The following PLEKHA6 variants were observed in gnomAD, a reference collection of about 807,000 sequenced individuals.
PLEKHA6 encodes the protein pleckstrin homology domain-containing family A member 6.
In PLEKHA6, 60 loss-of-function variants were observed where a neutral mutation model predicts 116.7. The ratio of observed to expected loss-of-function variants is 0.51; its 90% CI spans 0.42 to 0.64. The LOEUF (loss-of-function observed/expected upper bound fraction) is 0.64. Ranked by LOEUF, PLEKHA6 falls within the 30% of genes least tolerant of loss-of-function variation. The pLI is 0.00. For missense variants in PLEKHA6, 1,338 were observed against 1,422.7 expected, an observed-to-expected ratio of 0.94 and a Z score of 0.96; for synonymous variants, 489 against 556.1, an observed-to-expected ratio of 0.88 and a Z score of 1.70.
At chr1:204,320,456 A>G in intron 1 of PLEKHA6, 1 of 976,246 alleles carries the variant, frequency 1.0e-6, no homozygotes, top group Non-Finnish European at 1.2e-6. Flanking sequence ...GGGAAGGAGC[A>G]GTGGCTTCTA....
Position 204,247,262 on chromosome 1 carries a change from T to TA in PLEKHA6, c.1920+102dup, listed in dbSNP as rs1663824065. ...GTCCCATTATCTTCATCCTGAAACT[T>TA]AGAGTCTGTTATCAATGGCCGGAAC... On this transcript the variant is annotated intron_variant, in intron 13 of 22. Coordinates refer to ENST00000272203, the MANE Select transcript of PLEKHA6 (RefSeq NM_014935.5). 10 of 681,694 alleles carry TA rather than the reference T, an allele frequency of 1.5e-5. No homozygotes were observed. In the East Asian group the frequency reaches 2.7e-4, roughly 19 times the overall value. The allele number at this position is 681,694 out of a possible 1,614,324, so 42.2% of individuals were successfully genotyped here. A position where few individuals can be genotyped will look rare whatever the true frequency, so the allele number is the denominator to read the frequency against.
chr1:204,257,946 C>T lies in PLEKHA6; in HGVS notation c.1008-77G>A. On this transcript the variant is annotated intron_variant, in intron 8 of 22. Transcript: ENST00000272203. This position sits in a 1 kb window ranked among gnomAD's most constrained non-coding sequence, Gnocchi z 6.5. ...ACCCACCCCAGCCCCACCTCCAGGT[C>T]CCCCAGCCTAGAGCAGGGTGCTTGA... 4 of 1,366,316 alleles carry T rather than the reference C, an allele frequency of 2.9e-6. No individual in the cohort carries two copies. Among genetic ancestry groups the T allele is most frequent in the Non-Finnish European group, 4.0e-6 (4 of 992,578 alleles). The allele number at this position is 1,366,316 out of a possible 1,614,324, so 84.6% of individuals were successfully genotyped here.
At chr1:204,243,759 G>A (rs1448115201) in intron 15 of PLEKHA6, among the ~76,000 whole-genome samples, 2 of 152,076 alleles carry the variant, frequency 1.3e-5, no homozygotes, top group South Asian at 2.1e-4. Context: ...AGGATGCTGG[G>A]CTCCCTGAGT....
chr1:204,271,375 C>T (rs1463294847), intron 3 of PLEKHA6, among the ~76,000 whole-genome samples: 2 of 152,166 alleles, frequency 1.3e-5, no homozygotes, highest in Admixed American at 6.5e-5. Context: ...CACTCAGCAA[C>T]TGTTTGTAGA....
At chr1:204,260,425 C>T (rs1558089007) in intron 7 of PLEKHA6, among the ~76,000 whole-genome samples, 1 of 152,228 alleles carries the variant, frequency 6.6e-6, no homozygotes, top group Non-Finnish European at 1.5e-5. Context: ...AGGGTAGGAA[C>T]ATGGCAGACT....
At chr1:204,341,874 G>A (rs995604579) in intron 1 of PLEKHA6, among the ~76,000 whole-genome samples, 4 of 152,164 alleles carry the variant, frequency 2.6e-5, no homozygotes, top group African/African-American at 9.7e-5. Flanking sequence ...GAAAACATAA[G>A]TACAATCTAT....
intron 1 of PLEKHA6, among the ~76,000 whole-genome samples, chr1:204,343,966 G>A (rs1672938327): frequency 6.6e-6 from 1 of 152,160 alleles, no homozygotes; most frequent in African/African-American, 2.4e-5. Context: ...GTGTGTGATG[G>A]AGAGAAAGTG....
rs1558015408 is a variant in PLEKHA6, at chr1:204,228,258, G to A, written c.2886-30C>T. On this transcript the variant is annotated intron_variant, in intron 20 of 22. Transcript: ENST00000272203. This position sits in a 1 kb window ranked among gnomAD's most constrained non-coding sequence, Gnocchi z 4.0. ...AGAGGCACAGACACACAGAAATGGA[G>A]GGAGGGACAGGATGGTCCAAGTGGC... The A allele has an allele frequency of 1.3e-6, 2 of 1,566,318 alleles. No homozygotes were observed. Among genetic ancestry groups the A allele is most frequent in the East Asian group, 4.5e-5 (2 of 44,052 alleles).
intron 1 of PLEKHA6, among the ~76,000 whole-genome samples, chr1:204,300,144 G>A (rs887645455): frequency 4.6e-5 from 7 of 152,166 alleles, no homozygotes; most frequent in Admixed American, 2.6e-4. Context: ...TGCATCTTCA[G>A]CAGATTGAAT....
intron 1 of PLEKHA6, chr1:204,309,194 T>C (rs920331603): frequency 3.9e-6 from 1 of 259,564 alleles, no homozygotes; most frequent in African/African-American, 2.3e-5. Context: ...GAAGACTCCC[T>C]GCAGGTCTCC....
intron 1 of PLEKHA6, among the ~76,000 whole-genome samples, chr1:204,332,100 C>T (rs1317277558): frequency 1.3e-5 from 2 of 152,182 alleles, no homozygotes; most frequent in Non-Finnish European, 2.9e-5. Flanking sequence ...GAAGCACCAC[C>T]TCAGACCAAT....
intron 21 of PLEKHA6, among the ~76,000 whole-genome samples, chr1:204,226,173 T>C (rs958583043): frequency 3.3e-5 from 5 of 152,224 alleles, no homozygotes; most frequent in African/African-American, 4.8e-5. Flanking sequence ...GCTGTAGCTC[T>C]GGGGAGCTGG....
At chr1:204,244,780 G>A (rs1201445830) in intron 15 of PLEKHA6, 84 bp downstream of exon 15, 1 of 1,079,960 alleles carries the variant, frequency 9.3e-7, no homozygotes, top group East Asian at 3.1e-5. Context: ...GGGAAGAGAT[G>A]GGCACAGAAG....
chr1:204,239,611 C>T (rs1038158207), intron 17 of PLEKHA6, among the ~76,000 whole-genome samples: 3 of 152,174 alleles, frequency 2.0e-5, no homozygotes, highest in African/African-American at 7.2e-5. Context: ...AAAAGTGTGG[C>T]AGTGGGCTCA....
Position 204,359,712 on chromosome 1 carries a change from C to T in PLEKHA6, c.-113G>A. The T allele has an allele frequency of 4.1e-6, 4 of 978,028 alleles. No individual in the cohort carries two copies. The highest frequency in any genetic ancestry group is 4.9e-6 in the Non-Finnish European group (4 of 823,194). 60.6% of individuals were successfully genotyped at this position (978,028 alleles called of 1,614,324 possible). A position where few individuals can be genotyped will look rare whatever the true frequency, so the allele number is the denominator to read the frequency against. ...GACTCACCGGCTTCTGAGGTGTGAT[C>T]CCCGCGCTGGAAAGCTCTAACTCTG... is the stretch of plus-strand genomic sequence containing the variant. On this transcript the variant is annotated 5_prime_UTR_variant, in exon 1 of 23. Coordinates refer to ENST00000272203, the MANE Select transcript of PLEKHA6 (RefSeq NM_014935.5).
chr1:204,301,809 C>A (rs1406872945), intron 1 of PLEKHA6, among the ~76,000 whole-genome samples: 1 of 152,162 alleles, frequency 6.6e-6, no homozygotes, highest in Non-Finnish European at 1.5e-5. Context: ...CAGCCCTGGT[C>A]AGTAACAGTG....
At chr1:204,324,261 C>T (rs750077242) in intron 1 of PLEKHA6, among the ~76,000 whole-genome samples, 5 of 151,952 alleles carry the variant, frequency 3.3e-5, no homozygotes, top group African/African-American at 4.8e-5. Flanking sequence ...GGCTATGGAT[C>T]GTGAAGGGAT....
chr1:204,292,153 G>A (rs531135016), intron 1 of PLEKHA6, among the ~76,000 whole-genome samples: 6 of 152,196 alleles, frequency 3.9e-5, no homozygotes, highest in African/African-American at 7.2e-5. Flanking sequence ...ACCTGAATAC[G>A]GTCTTCATCA....
rs115215416 is a variant in PLEKHA6, at chr1:204,306,798, C to T, written c.-94-31989G>A. Among the ~76,000 whole-genome samples the T allele has an allele frequency of 5.9e-3, 892 of 152,212 alleles. 8 individuals carry two copies. The highest frequency in any genetic ancestry group is 0.02 in the African/African-American group (846 of 41,512). ...ACCTCAGCATTATGCAATATATCCA[C>T]GTAATGAACCTGTACATGTACACCA... On this transcript the variant is annotated intron_variant, in intron 1 of 22. Transcript: ENST00000272203.
Sources: allele counts gnomAD v4.1 joint callset (sites outside exome capture counted in the v4.1 genomes callset), GRCh38; gene constraint gnomAD v4.1.1; non-coding constraint Gnocchi (gnomAD v3.1); transcripts MANE v1.5; gene names NCBI Gene and HGNC (gene_info 2026-07-23, HGNC 2026-07-21).